Variants in PLPPR5 observed in about 807,000 individuals in gnomAD.
PLPPR5 encodes phospholipid phosphatase-related protein type 5.
Under a neutral mutation model 33.9 loss-of-function variants are expected in PLPPR5, and 16 were observed. That is an observed-to-expected ratio of 0.47 (90% CI 0.32 to 0.72). PLPPR5 has a LOEUF of 0.72. Among genes scored for constraint, PLPPR5 ranks in the 30% least tolerant of loss-of-function variants. PLPPR5 has a pLI of 0.03. For missense variants in PLPPR5, 301 were observed against 406.7 expected (o/e 0.74, Z 2.23); for synonymous variants, 163 against 150.3 (o/e 1.08, Z -0.62).
At position 98,921,876 on chromosome 1, in the gene PLPPR5, A is replaced by G; in HGVS notation, c.798+6T>C. The G allele has an allele frequency of 1.3e-6, 2 of 1,598,914 alleles. No individual in the cohort carries two copies. Among genetic ancestry groups the G allele is most frequent in the Non-Finnish European group, 1.7e-6 (2 of 1,173,716 alleles). ...CCCAATGATATATAAATAAATTTGT[A>G]CTTACCAGAAATACTGCTATAGATA... On this transcript the variant is annotated splice_donor_region_variant and intron_variant, in intron 4 of 5. Transcript: ENST00000263177.
At chr1:98,908,331 G>A (rs542452337) in intron 5 of PLPPR5, among the ~76,000 whole-genome samples, 2 of 152,026 alleles carry the variant, frequency 1.3e-5, no homozygotes, top group Non-Finnish European at 2.9e-5. Context: ...AAAATTTACT[G>A]TAGTTTTCAC....
intron 1 of PLPPR5, among the ~76,000 whole-genome samples, chr1:98,994,584 A>AAC: frequency 6.6e-6 from 1 of 152,108 alleles, no homozygotes; most frequent in East Asian, 1.9e-4. Flanking sequence ...TTTACTTTAA[A>AAC]ACACTTCATC....
In PLPPR5 at chr1:98,893,114, G is replaced by A. The variant is rs1553165308; in HGVS notation, c.934-10C>T. 1 of 1,609,926 alleles carries A rather than the reference G, an allele frequency of 6.2e-7. No homozygotes were observed. ...AGGCAGTGATGTGGTTCTGCAAAAA[G>A]AAAAAGGAATGACAAAGTGAGAGGC... is the stretch of plus-strand genomic sequence containing the variant. On this transcript the variant is annotated splice_polypyrimidine_tract_variant and intron_variant, in intron 5 of 5. Coordinates refer to ENST00000263177, the MANE Select transcript of PLPPR5 (RefSeq NM_001037317.2).
At chr1:98,964,642 G>C (rs931413991) in intron 1 of PLPPR5, among the ~76,000 whole-genome samples, 1 of 152,218 alleles carries the variant, frequency 6.6e-6, no homozygotes, top group South Asian at 2.1e-4. Context: ...CTCCTACTCT[G>C]CCAAGAGAGG....
In PLPPR5 at chr1:98,898,732, T is replaced by C. The variant is rs904372370; in HGVS notation, c.934-5628A>G. Among the ~76,000 whole-genome samples, 4 of 152,288 alleles carry C rather than the reference T, an allele frequency of 2.6e-5. No individual in the cohort carries two copies. In the East Asian group the frequency reaches 5.8e-4, roughly 22 times the overall value. ...TCATGTGACAGAACCAAAGTTTTCT[T>C]GGGAAAGGTGACTTTTTTGGGGGAC... On this transcript the variant is annotated intron_variant, in intron 5 of 5. Coordinates refer to ENST00000263177, the MANE Select transcript of PLPPR5 (RefSeq NM_001037317.2).
Position 98,893,059 on chromosome 1 carries a change from A to G in PLPPR5, c.*13T>C, listed in dbSNP as rs904943362. 4 of 1,610,834 alleles carry G rather than the reference A, an allele frequency of 2.5e-6. No homozygotes were observed. Among genetic ancestry groups the G allele is most frequent in the Middle Eastern group, 1.6e-4 (1 of 6,064 alleles). ...ATGATGTCCAATGCAGTGAAAAACC[A>G]TCTGCTTCGATATCATGTGACTTCT... is the stretch of plus-strand genomic sequence containing the variant. On this transcript the variant is annotated 3_prime_UTR_variant, in exon 6 of 6. Transcript: ENST00000263177.
intron 3 of PLPPR5, among the ~76,000 whole-genome samples, chr1:98,951,129 T>A (rs1233829283): frequency 6.6e-6 from 1 of 152,222 alleles, no homozygotes; most frequent in Non-Finnish European, 1.5e-5. Context: ...TTGCAATTCA[T>A]ACCCAGATAC....
intron 1 of PLPPR5, among the ~76,000 whole-genome samples, chr1:98,964,928 T>C (rs979247473): frequency 6.6e-6 from 1 of 151,666 alleles, no homozygotes; most frequent in African/African-American, 2.4e-5. Context: ...GCCTCCTGAG[T>C]AGATGAGACT....
chr1:98,958,619 A>G (rs905438929), intron 1 of PLPPR5, among the ~76,000 whole-genome samples: 2 of 152,192 alleles, frequency 1.3e-5, no homozygotes, highest in Non-Finnish European at 2.9e-5. Flanking sequence ...AAGGATGCAC[A>G]AGAATTATTT....
chr1:98,909,964 CTA>C (rs575945158), intron 5 of PLPPR5, among the ~76,000 whole-genome samples: 130 of 152,178 alleles, frequency 8.5e-4, no homozygotes, highest in Middle Eastern at 6.8e-3. Context: ...TCCTCATAAA[CTA>C]TGGTAATTAA....
At chr1:99,002,437 T>C (rs1652884585) in intron 1 of PLPPR5, among the ~76,000 whole-genome samples, 2 of 152,214 alleles carry the variant, frequency 1.3e-5, no homozygotes, top group Admixed American at 1.3e-4. Context: ...GCATCCGTCC[T>C]ATAGGCATAC....
At chr1:98,969,257 T>C (rs1256128606) in intron 1 of PLPPR5, among the ~76,000 whole-genome samples, 1 of 152,006 alleles carries the variant, frequency 6.6e-6, no homozygotes, top group Non-Finnish European at 1.5e-5. Context: ...AGCTATTATA[T>C]GACAGAGAAA....
intron 1 of PLPPR5, among the ~76,000 whole-genome samples, chr1:98,986,120 T>C (rs978048772): frequency 2.0e-5 from 3 of 151,996 alleles, no homozygotes; most frequent in African/African-American, 4.8e-5. Context: ...AGTCACATTA[T>C]ATTAAATTAA....
At chr1:98,966,243 A>G (rs55754576) in intron 1 of PLPPR5, among the ~76,000 whole-genome samples, 6,293 of 152,282 alleles carry the variant, frequency 0.041, 160 homozygotes, top group Non-Finnish European at 0.062. Flanking sequence ...ATTCTTTTAT[A>G]ATAATTTGTT....
At chr1:98,921,396 G>T (rs765434521) in intron 4 of PLPPR5, among the ~76,000 whole-genome samples, 5 of 152,168 alleles carry the variant, frequency 3.3e-5, no homozygotes, top group Admixed American at 6.5e-5. Context: ...GGCTCAGGGA[G>T]AGTACAGCAG....
chr1:98,961,295 CTTG>C (rs1405007914), intron 1 of PLPPR5, among the ~76,000 whole-genome samples: 2 of 152,180 alleles, frequency 1.3e-5, no homozygotes, highest in Non-Finnish European at 2.9e-5. Flanking sequence ...ACACTTAAAG[CTTG>C]TTATTAGATA....
chr1:99,003,597 TTA>T (rs1222267301), intron 1 of PLPPR5, among the ~76,000 whole-genome samples: 1 of 152,188 alleles, frequency 6.6e-6, no homozygotes, highest in African/African-American at 2.4e-5. Context: ...ATTAATATTA[TTA>T]TGTGTAATTT....
intron 1 of PLPPR5, among the ~76,000 whole-genome samples, chr1:98,967,539 C>T (rs1651492547): frequency 6.6e-6 from 1 of 152,032 alleles, no homozygotes; most frequent in Non-Finnish European, 1.5e-5. Flanking sequence ...AAACTCAGTG[C>T]CCCTTTTTGA....
At chr1:98,895,949 C>T (rs1373436280) in intron 5 of PLPPR5, among the ~76,000 whole-genome samples, 2 of 151,560 alleles carry the variant, frequency 1.3e-5, no homozygotes, top group African/African-American at 4.8e-5. Context: ...AGCTTCTGTT[C>T]ATTTACTTTA....
Sources: allele counts gnomAD v4.1 joint callset (sites outside exome capture counted in the v4.1 genomes callset), GRCh38; gene constraint gnomAD v4.1.1; transcripts MANE v1.5; gene names NCBI Gene and HGNC (gene_info 2026-07-23, HGNC 2026-07-21).